DCC: variants seen among roughly 807,000 people sequenced by gnomAD.
DCC encodes the protein netrin receptor DCC.
Under a neutral mutation model 172.5 loss-of-function variants are expected in DCC, and 58 were observed. The observed-to-expected ratio is 0.34, with a 90% CI of 0.27 to 0.42. The LOEUF (loss-of-function observed/expected upper bound fraction) is 0.42, where lower values mean the gene tolerates loss of function less well. DCC is among the 10% of genes least tolerant of loss of function. DCC has a pLI of 1.00. For missense variants in DCC, 1,740 were observed against 1,791.0 expected, an observed-to-expected ratio of 0.97 and a Z score of 0.51; for synonymous variants, 709 against 644.5, an observed-to-expected ratio of 1.10 and a Z score of -1.52.
At chr18:52,440,651 T>C (rs1272537152) in intron 1 of DCC, among the ~76,000 whole-genome samples, 1 of 152,222 alleles carries the variant, frequency 6.6e-6, no homozygotes, top group Non-Finnish European at 1.5e-5. Context: ...AAATAGCATG[T>C]GGTCTCTTGA....
intron 12 of DCC, among the ~76,000 whole-genome samples, chr18:53,249,244 GT>G (rs920170023): frequency 1.1e-4 from 17 of 151,820 alleles, no homozygotes; most frequent in African/African-American, 3.6e-4. Flanking sequence ...AAAAGTATGT[GT>G]TTTTTTTATT....
intron 2 of DCC, among the ~76,000 whole-genome samples, chr18:52,779,799 A>T (rs545016142): frequency 7.2e-5 from 11 of 152,168 alleles, no homozygotes; most frequent in Middle Eastern, 3.2e-3. Flanking sequence ...ATTTCTTCAT[A>T]TCCTCTCCAG....
At chr18:52,649,372 CAAA>C (rs74178677) in intron 1 of DCC, among the ~76,000 whole-genome samples, 10 of 124,012 alleles carry the variant, frequency 8.1e-5, no homozygotes, top group Non-Finnish European at 1.2e-4. Flanking sequence ...GATTCCGTAT[CAAA>C]AAAAAAAAAA....
intron 1 of DCC, among the ~76,000 whole-genome samples, chr18:52,572,000 T>G (rs1315956946): frequency 1.3e-5 from 2 of 152,210 alleles, no homozygotes; most frequent in Non-Finnish European, 2.9e-5. Flanking sequence ...ATAGAACATA[T>G]GTAACATATA....
At chr18:52,342,493 A>G (rs1983698262) in intron 1 of DCC, among the ~76,000 whole-genome samples, 1 of 151,968 alleles carries the variant, frequency 6.6e-6, no homozygotes, top group Non-Finnish European at 1.5e-5. Context: ...ACAGTAATGA[A>G]TAGGTGTCTG....
intron 1 of DCC, among the ~76,000 whole-genome samples, chr18:52,572,418 T>C (rs558157409): frequency 6.6e-6 from 1 of 152,326 alleles, no homozygotes; most frequent in East Asian, 1.9e-4. Context: ...AGCTTGAGCC[T>C]GTCTTTCCCT....
chr18:52,915,000 A>C (rs544648235), intron 3 of DCC, among the ~76,000 whole-genome samples: 9 of 151,314 alleles, frequency 5.9e-5, no homozygotes, highest in Non-Finnish European at 1.2e-4. Context: ...ACAATGAGGA[A>C]AAAAGGCTTT....
chr18:52,601,257 C>G (rs62083415), intron 1 of DCC, among the ~76,000 whole-genome samples: 19,995 of 151,892 alleles, frequency 0.13, 1,456 homozygotes, highest in Non-Finnish European at 0.15. Flanking sequence ...ATCTATTATA[C>G]ATGTGTCTTT....
intron 9 of DCC, among the ~76,000 whole-genome samples, chr18:53,181,608 C>T (rs2055198390): frequency 6.6e-6 from 1 of 151,738 alleles, no homozygotes; most frequent in African/African-American, 2.4e-5. Context: ...ACACATATGG[C>T]CTTAACTTTG....
Position 52,818,437 on chromosome 18 carries a change from A to T in DCC, c.412+66063A>T, listed in dbSNP as rs561174439. 1.7e-3 allele frequency among the ~76,000 whole-genome samples: 257 copies of T among 151,580 alleles called. 2 individuals are homozygous for T. Among genetic ancestry groups the T allele is most frequent in the African/African-American group, 6.0e-3 (248 of 41,340 alleles). On this transcript the variant is annotated intron_variant, in intron 2 of 28. Coordinates refer to ENST00000442544, the MANE Select transcript of DCC (RefSeq NM_005215.4). The stretch of plus-strand genomic sequence containing the variant: ...AAAAAGTAAAAAAAAAAAAAAAAAA[A>T]AATTTAAAAAGAAGATGAAAAGCAT...
intron 9 of DCC, among the ~76,000 whole-genome samples, chr18:53,186,658 A>G (rs948037096): frequency 1.3e-5 from 2 of 152,276 alleles, no homozygotes; most frequent in Non-Finnish European, 2.9e-5. Flanking sequence ...CTATGTATCC[A>G]GCCTTTTATA....
chr18:53,049,563 A>C (rs1395260992), intron 5 of DCC, among the ~76,000 whole-genome samples: 1 of 152,048 alleles, frequency 6.6e-6, no homozygotes, highest in Non-Finnish European at 1.5e-5. Context: ...TTGTACCAGT[A>C]CCATGCTGCT....
chr18:53,163,028 C>A (rs565817857), intron 8 of DCC, among the ~76,000 whole-genome samples: 1 of 152,238 alleles, frequency 6.6e-6, no homozygotes, highest in Non-Finnish European at 1.5e-5. Context: ...CAGAATTCAT[C>A]AATTTCACCT....
intron 5 of DCC, among the ~76,000 whole-genome samples, chr18:52,948,386 T>A (rs534301609): frequency 6.6e-6 from 1 of 152,168 alleles, no homozygotes; most frequent in African/African-American, 2.4e-5. Context: ...TCTATCATTA[T>A]GAATGATATT....
intron 1 of DCC, among the ~76,000 whole-genome samples, chr18:52,511,912 GT>G (rs1219369533): frequency 6.6e-6 from 1 of 152,132 alleles, no homozygotes; most frequent in Non-Finnish European, 1.5e-5. Context: ...ATTAAGAACA[GT>G]TTCATGAAAC....
intron 24 of DCC, among the ~76,000 whole-genome samples, chr18:53,461,874 T>C (rs1426019001): frequency 2.0e-5 from 3 of 152,196 alleles, no homozygotes; most frequent in Admixed American, 2.0e-4. Context: ...GATATTTGGC[T>C]CTAGGGACTG....
intron 2 of DCC, among the ~76,000 whole-genome samples, chr18:52,896,674 C>T (rs1360531659): frequency 2.0e-5 from 3 of 152,138 alleles, no homozygotes; most frequent in Non-Finnish European, 4.4e-5. Context: ...TATTAAAATG[C>T]TACCTAGAAC....
At chr18:52,440,841 G>A (rs560960733) in intron 1 of DCC, among the ~76,000 whole-genome samples, 1 of 152,274 alleles carries the variant, frequency 6.6e-6, no homozygotes, top group East Asian at 1.9e-4. Context: ...AGTTCATTGA[G>A]GGCATAGAGA....
chr18:52,797,396 G>A (rs2037896722), intron 2 of DCC, among the ~76,000 whole-genome samples: 1 of 152,252 alleles, frequency 6.6e-6, no homozygotes, highest in Admixed American at 6.5e-5. Flanking sequence ...TTATGGATAG[G>A]CCTTTGTAAG....
Sources: allele counts gnomAD v4.1 joint callset (sites outside exome capture counted in the v4.1 genomes callset), GRCh38; gene constraint gnomAD v4.1.1; transcripts MANE v1.5; gene names NCBI Gene and HGNC (gene_info 2026-07-23, HGNC 2026-07-21).